KANSL2: variants seen among roughly 807,000 people sequenced by gnomAD.
KANSL2 encodes the protein NSL complex protein NSL2.
Under a neutral mutation model 55.6 loss-of-function variants are expected in KANSL2, and 34 were observed. The observed-to-expected ratio is 0.61, with a 90% CI of 0.46 to 0.81. KANSL2 has a LOEUF of 0.81. Among genes scored for constraint, KANSL2 ranks in the 40% least tolerant of loss-of-function variants. The pLI is 0.00. For missense variants in KANSL2, 502 were observed against 609.9 expected, an observed-to-expected ratio of 0.82 and a Z score of 1.86; for synonymous variants, 209 against 214.3, an observed-to-expected ratio of 0.98 and a Z score of 0.22.
intron 3 of KANSL2, 175 bp from the exon 4 acceptor site, chr12:48,679,325 A>G (rs1939879670): frequency 1.5e-6 from 1 of 676,076 alleles, no homozygotes; most frequent in Non-Finnish European, 2.6e-6. Flanking sequence ...ATACAACCCA[A>G]GTAAGATTAC....
At chr12:48,655,356 C>A (rs1939357825) in intron 8 of KANSL2, among the ~76,000 whole-genome samples, 1 of 152,024 alleles carries the variant, frequency 6.6e-6, no homozygotes, top group Non-Finnish European at 1.5e-5. Context: ...ATCACTTGAG[C>A]CCAGGAGTTC....
At position 48,671,890 on chromosome 12, in the gene KANSL2, C is replaced by A; in HGVS notation, c.618G>T (p.Leu206Phe). Residue 206 changes from leucine (L) to phenylalanine (F), a missense_variant, in exon 5 of 10, where the codon TTG (leucine) becomes TTT (phenylalanine). Leu to Phe is a conservative substitution (Grantham distance 22). Coordinates refer to ENST00000420613, the MANE Select transcript of KANSL2 (RefSeq NM_017822.4). ...MREKLIRLQS[L>F]YIDQFKRLQH... Reference sequence around the variant, plus strand: ...GAAGTCGTTTAAACTGATCAATATACAACGACTGCAAACGAATTAGCTTTT... The same window carrying A: ...GAAGTCGTTTAAACTGATCAATATAAAACGACTGCAAACGAATTAGCTTTT... The A allele has an allele frequency of 6.2e-7, 1 of 1,606,844 alleles. No homozygotes were observed. Among genetic ancestry groups the A allele is most frequent in the Non-Finnish European group, 8.5e-7 (1 of 1,175,848 alleles).
intron 9 of KANSL2, 124 bp downstream of exon 9, chr12:48,654,817 G>T: frequency 1.1e-6 from 1 of 946,760 alleles, no homozygotes; most frequent in Non-Finnish European, 1.6e-6. Flanking sequence ...AGAGACATGT[G>T]GAGCATCTTT....
chr12:48,668,447 C>T (rs897010574), intron 6 of KANSL2, among the ~76,000 whole-genome samples: 13 of 152,314 alleles, frequency 8.5e-5, no homozygotes, highest in Admixed American at 8.5e-4. Flanking sequence ...TTCACTATAA[C>T]CCATGTGCAA....
chr12:48,659,326 A>G (rs1343762943), intron 8 of KANSL2, among the ~76,000 whole-genome samples: 1 of 151,586 alleles, frequency 6.6e-6, no homozygotes, highest in Admixed American at 6.6e-5. Flanking sequence ...GTGGCCAGGC[A>G]CAGTGGTTCA....
chr12:48,660,423 C>T lies in KANSL2; in HGVS notation c.1170G>A (p.Leu390=), dbSNP rs1319318010. ...GCTGAAGCTCAGCAGCACTCAAGTA[C>T]AGATCCATGGGGCCGGCTTCCAGAT... is the stretch of plus-strand genomic sequence containing the variant. ...PDDLEAGPMD[L]YLSAAELQPT... Residue 390 remains leucine (L), a synonymous_variant, in exon 8 of 10, where the codon CTG becomes CTA. Transcript: ENST00000420613. 1 of 1,613,952 alleles carries T rather than the reference C, an allele frequency of 6.2e-7. No individual in the cohort carries two copies. The highest frequency in any genetic ancestry group is 1.3e-5 in the African/African-American group (1 of 75,038).
Position 48,667,682 on chromosome 12 carries a change from TA to T in KANSL2, c.973+10del. On this transcript the variant is annotated intron_variant, in intron 7 of 9. Transcript: ENST00000420613. ...CAAACCACAGCCTTAACAGGCAGAG[TA>T]AAAAGATACGGGTAAGGCAGTGTCT... 6.3e-7 allele frequency: 1 copy of T among 1,597,940 alleles called. No homozygotes were observed. Among genetic ancestry groups the T allele is most frequent in the Non-Finnish European group, 8.6e-7 (1 of 1,165,442 alleles).
rs755185611 is a variant in KANSL2, at chr12:48,682,210, C to T, written c.-33G>A. Reference sequence around the variant, plus strand: ...ACCTCAGGAGCTGCGCTGCGCCGCACTCTGCCGCGCCGCTCGCCCTTCTCT... The same window carrying T: ...ACCTCAGGAGCTGCGCTGCGCCGCATTCTGCCGCGCCGCTCGCCCTTCTCT... On this transcript the variant is annotated 5_prime_UTR_variant, in exon 1 of 10. It adds an upstream start codon to the 5' untranslated region. Transcript: ENST00000420613. 3.1e-6 allele frequency: 2 copies of T among 651,844 alleles called. No homozygotes were observed. The highest frequency in any genetic ancestry group is 5.6e-6 in the Non-Finnish European group (2 of 359,970). The allele number at this position is 651,844 out of a possible 1,614,324, so 40.4% of individuals were successfully genotyped here. A position where few individuals can be genotyped will look rare whatever the true frequency, so the allele number is the denominator to read the frequency against.
rs751747797 is a variant in KANSL2, at chr12:48,677,484, G to GA, written c.545+1551dup. Among the ~76,000 whole-genome samples, 165 of 151,700 alleles carry GA rather than the reference G, an allele frequency of 1.1e-3. 2 individuals are homozygous for GA. Among genetic ancestry groups the GA allele is most frequent in the Middle Eastern group, 3.4e-3 (1 of 290 alleles). On this transcript the variant is annotated intron_variant, in intron 4 of 9. Coordinates refer to ENST00000420613, the MANE Select transcript of KANSL2 (RefSeq NM_017822.4). ...AGTTTGGCCATCTAGAACCACAATGGAAAAAAAAGGAATGAAGCTGGGCCT... is the reference window on the plus strand; with the variant it reads ...AGTTTGGCCATCTAGAACCACAATGGAAAAAAAAAGGAATGAAGCTGGGCCT...
At chr12:48,681,663 C>A in intron 1 of KANSL2, 22 bp from the exon 2 acceptor site, 1 of 1,613,702 alleles carries the variant, frequency 6.2e-7, no homozygotes, top group Non-Finnish European at 8.5e-7. Context: ...AACGAAAGAC[C>A]AAAAAGCCCT....
At chr12:48,671,526 T>C (rs1243783863) in intron 5 of KANSL2, among the ~76,000 whole-genome samples, 1 of 152,226 alleles carries the variant, frequency 6.6e-6, no homozygotes, top group Non-Finnish European at 1.5e-5. Flanking sequence ...ATAATTTAAC[T>C]GTACCTTTTC....
In KANSL2 at chr12:48,669,797, C is replaced by T. The variant is rs147888829; in HGVS notation, c.710-525G>A. On this transcript the variant is annotated intron_variant, in intron 5 of 9. Coordinates refer to ENST00000420613, the MANE Select transcript of KANSL2 (RefSeq NM_017822.4). ...GTGCTGGGATTACAGGCATGAGCCA[C>T]CGCACCCGGCCAAAGCTGAAAAATT... Among the ~76,000 whole-genome samples the T allele has an allele frequency of 2.5e-3, 386 of 152,224 alleles. 3 individuals are homozygous for T. The highest frequency in any genetic ancestry group is 8.7e-3 in the African/African-American group (362 of 41,536).
rs79164873 is a variant in KANSL2 at position 48,663,914 on chromosome 12, T to G, written c.974-3295A>C. Among the ~76,000 whole-genome samples the G allele has an allele frequency of 4.4e-3, 219 of 49,580 alleles. 3 individuals are homozygous for G. The highest frequency in any genetic ancestry group is 0.013 in the African/African-American group (213 of 16,866). 32.5% of individuals were successfully genotyped at this position (49,580 alleles called of 152,430 possible). A position where few individuals can be genotyped will look rare whatever the true frequency, so the allele number is the denominator to read the frequency against. ...AGATACACACTTTTAACTATTAGCC[T>G]TTTTTTTTTTTTTTTTTTTTTGAGA... On this transcript the variant is annotated intron_variant, in intron 7 of 9. Coordinates refer to ENST00000420613, the MANE Select transcript of KANSL2 (RefSeq NM_017822.4).
intron 4 of KANSL2, among the ~76,000 whole-genome samples, chr12:48,677,810 A>AT (rs1939851575): frequency 6.8e-6 from 1 of 147,100 alleles, no homozygotes; most frequent in East Asian, 1.9e-4. Flanking sequence ...AAAAAAAAAA[A>AT]GGAATGAATA....
chr12:48,679,265 A>C lies in KANSL2; in HGVS notation c.431-115T>G, dbSNP rs550873796. On this transcript the variant is annotated intron_variant, in intron 3 of 9. Coordinates refer to ENST00000420613, the MANE Select transcript of KANSL2 (RefSeq NM_017822.4). ...TTGAAATTTTAAAAACAAAACAAAA[A>C]AAAAAACACTTAGTACAAAGGTACT... The C allele has an allele frequency of 3.4e-5, 26 of 770,294 alleles. 1 individual carries two copies. Among genetic ancestry groups the C allele is most frequent in the Middle Eastern group, 2.2e-4 (1 of 4,496 alleles). The allele number at this position is 770,294 out of a possible 1,614,324, so 47.7% of individuals were successfully genotyped here.
chr12:48,670,738 G>A (rs377345384), intron 5 of KANSL2, among the ~76,000 whole-genome samples: 37 of 152,154 alleles, frequency 2.4e-4, no homozygotes, highest in African/African-American at 7.2e-4. Context: ...GGGAAGCCAC[G>A]GTCGGAGGAT....
At chr12:48,672,230 G>A (rs1487229943) in intron 4 of KANSL2, among the ~76,000 whole-genome samples, 3 of 151,782 alleles carry the variant, frequency 2.0e-5, no homozygotes, top group African/African-American at 7.3e-5. Context: ...ATGTTGAAAA[G>A]AAAGTGAACA....
intron 4 of KANSL2, among the ~76,000 whole-genome samples, chr12:48,672,978 T>TA (rs1939754708): frequency 6.6e-6 from 1 of 151,950 alleles, no homozygotes; most frequent in Non-Finnish European, 1.5e-5. Flanking sequence ...AGGCTGGTCT[T>TA]AACTCCTGAC....
intron 8 of KANSL2, among the ~76,000 whole-genome samples, chr12:48,657,292 G>A (rs538375055): frequency 3.3e-5 from 5 of 152,010 alleles, no homozygotes; most frequent in Non-Finnish European, 7.4e-5. Context: ...AGGCGTCTTG[G>A]CACATACCTG....
Sources: allele counts gnomAD v4.1 joint callset (sites outside exome capture counted in the v4.1 genomes callset), GRCh38; gene constraint gnomAD v4.1.1; transcripts MANE v1.5; gene names NCBI Gene and HGNC (gene_info 2026-07-23, HGNC 2026-07-21).